The following TAOK1 variants were observed in gnomAD, a reference collection of about 807,000 sequenced individuals.
The protein encoded by TAOK1 is TAO kinase 1.
A neutral mutation model predicts 138.3 loss-of-function variants in TAOK1; 21 were observed. The ratio of observed to expected loss-of-function variants is 0.15; its 90% CI spans 0.11 to 0.22. TAOK1 has a LOEUF of 0.22. TAOK1 is among the 10% of genes least tolerant of loss of function. The pLI is 1.00. For synonymous variants in TAOK1, 361 were observed against 398.4 expected (o/e 0.91, Z 1.12); for missense variants, 651 against 1,227.7 (o/e 0.53, Z 7.02).
intron 2 of TAOK1, among the ~76,000 whole-genome samples, chr17:29,464,822 CTTTTTTTTT>C (rs547368498): frequency 7.6e-6 from 1 of 132,092 alleles, no homozygotes; most frequent in African/African-American, 2.8e-5. Flanking sequence ...TAAGCTCTGT[CTTTTTTTTT>C]TTTTTTTTTT....
intron 13 of TAOK1, among the ~76,000 whole-genome samples, chr17:29,504,601 C>T (rs1408760929): frequency 2.0e-5 from 3 of 151,340 alleles, no homozygotes; most frequent in South Asian, 2.1e-4. Context: ...ACCCAGGAGG[C>T]GGAGGTTGGA....
intron 1 of TAOK1, among the ~76,000 whole-genome samples, chr17:29,392,353 T>G (rs1470485173): frequency 6.6e-6 from 1 of 152,236 alleles, no homozygotes; most frequent in African/African-American, 2.4e-5. Context: ...ATGGTAAGGT[T>G]ACAAACCTTT....
In TAOK1 at chr17:29,549,102, A is replaced by T. The variant is rs2032448649; in HGVS notation, c.*6080A>T. On this transcript the variant is annotated 3_prime_UTR_variant, in exon 20 of 20. Coordinates refer to ENST00000261716, the MANE Select transcript of TAOK1 (RefSeq NM_020791.4). The stretch of plus-strand genomic sequence containing the variant: ...GTGATAACATGGTTTGGAACTGTTT[A>T]TTGGGCTCTTTAACTGAATTTTCAA... The T allele has an allele frequency of 6.6e-6, 1 of 152,146 alleles. No homozygotes were observed. The allele number at this position is 152,146 out of a possible 1,614,324, so 9.4% of individuals were successfully genotyped here.
chr17:29,485,378 T>C (rs1475772645), intron 8 of TAOK1, among the ~76,000 whole-genome samples: 1 of 152,228 alleles, frequency 6.6e-6, no homozygotes, highest in Non-Finnish European at 1.5e-5. Flanking sequence ...GGCTTACATC[T>C]GTAATCCTAG....
intron 6 of TAOK1, among the ~76,000 whole-genome samples, chr17:29,479,315 A>C (rs919996949): frequency 6.6e-6 from 1 of 152,230 alleles, no homozygotes; most frequent in Non-Finnish European, 1.5e-5. Flanking sequence ...TTTTCTTATT[A>C]CATATATGAA....
At chr17:29,437,836 G>A (rs778227762) in intron 1 of TAOK1, among the ~76,000 whole-genome samples, 3 of 143,534 alleles carry the variant, frequency 2.1e-5, no homozygotes, top group Middle Eastern at 3.3e-3. Context: ...CAGGTTCAAC[G>A]ATTCTCTTGC....
rs1418117227 is a variant in TAOK1 at position 29,508,232 on chromosome 17, C to G, written c.1575+100C>G. On this transcript the variant is annotated intron_variant, in intron 14 of 19. Transcript: ENST00000261716. Reference sequence around the variant, plus strand: ...ATGTTAGCGTATCTGTTCCCGTGAACCAAGCAAATTGGGGAAAAGGAGAAG... The same window carrying G: ...ATGTTAGCGTATCTGTTCCCGTGAAGCAAGCAAATTGGGGAAAAGGAGAAG... The G allele has an allele frequency of 1.7e-5, 17 of 1,001,206 alleles. No homozygotes were observed. In the East Asian group the frequency reaches 3.9e-4, roughly 23 times the overall value. 62.0% of individuals were successfully genotyped at this position (1,001,206 alleles called of 1,614,324 possible). A position where few individuals can be genotyped will look rare whatever the true frequency, so the allele number is the denominator to read the frequency against.
At chr17:29,509,760 G>T (rs1189733839) in intron 14 of TAOK1, among the ~76,000 whole-genome samples, 1 of 151,754 alleles carries the variant, frequency 6.6e-6, no homozygotes, top group Non-Finnish European at 1.5e-5. Context: ...GCTGAGCAGG[G>T]TGGCATACGC....
rs1598526776 is a variant in TAOK1, at chr17:29,532,965, G to A, written c.2362-1153G>A. 2.2e-5 allele frequency among the ~76,000 whole-genome samples: 3 copies of A among 134,814 alleles called. No individual in the cohort carries two copies. In the South Asian group the frequency reaches 7.7e-4, roughly 35 times the overall value. 88.4% of individuals were successfully genotyped at this position (134,814 alleles called of 152,430 possible). On this transcript the variant is annotated intron_variant, in intron 18 of 19. Coordinates refer to ENST00000261716, the MANE Select transcript of TAOK1 (RefSeq NM_020791.4). ...GACCCCCCCACCTCCCTCCCGGACG[G>A]GGCGGGTGGCCGGGCAGGGGGCTGA...
chr17:29,402,155 A>G (rs1350362470), intron 1 of TAOK1, among the ~76,000 whole-genome samples: 2 of 152,154 alleles, frequency 1.3e-5, no homozygotes, highest in Non-Finnish European at 2.9e-5. Flanking sequence ...TTTGCCTAAA[A>G]GGTCCTGGGC....
Position 29,438,728 on chromosome 17 carries a change from A to G in TAOK1, c.-94-12727A>G, listed in dbSNP as rs534361433. Among the ~76,000 whole-genome samples the G allele has an allele frequency of 8.2e-4, 125 of 152,320 alleles. 3 individuals are homozygous for G. Among genetic ancestry groups the G allele is most frequent in the Admixed American group, 7.1e-3 (109 of 15,290 alleles). ...TAAAGCTATCAGATTCTAAAACATG[A>G]TTAGAAGTAACAGTTTGTTACTCTT... On this transcript the variant is annotated intron_variant, in intron 1 of 19. Coordinates refer to ENST00000261716, the MANE Select transcript of TAOK1 (RefSeq NM_020791.4).
Position 29,548,594 on chromosome 17 carries a change from T to C in TAOK1, c.*5572T>C, listed in dbSNP as rs766471364. 6.6e-6 allele frequency: 1 copy of C among 152,074 alleles called. No individual in the cohort carries two copies. The highest frequency in any genetic ancestry group is 1.5e-5 in the Non-Finnish European group (1 of 67,974). The allele number at this position is 152,074 out of a possible 1,614,324, so 9.4% of individuals were successfully genotyped here. A position where few individuals can be genotyped will look rare whatever the true frequency, so the allele number is the denominator to read the frequency against. Reference sequence around the variant, plus strand: ...AGAGAAGATGAGACTTTTGAATGAATGAAAAAGGGTATCTTGATACCCAGA... The same window carrying C: ...AGAGAAGATGAGACTTTTGAATGAACGAAAAAGGGTATCTTGATACCCAGA... On this transcript the variant is annotated 3_prime_UTR_variant, in exon 20 of 20. Coordinates refer to ENST00000261716, the MANE Select transcript of TAOK1 (RefSeq NM_020791.4).
In TAOK1 at chr17:29,545,226, C is replaced by T. The variant is rs2032383410; in HGVS notation, c.*2204C>T. On this transcript the variant is annotated 3_prime_UTR_variant, in exon 20 of 20. Coordinates refer to ENST00000261716, the MANE Select transcript of TAOK1 (RefSeq NM_020791.4). ...TTTAGTCGTCTCAGTATCTTTTTTGCATTCAGGTATTATAGCGTTTCCAAC... is the reference window on the plus strand; with the variant it reads ...TTTAGTCGTCTCAGTATCTTTTTTGTATTCAGGTATTATAGCGTTTCCAAC... 6.6e-6 allele frequency: 1 copy of T among 152,030 alleles called. No homozygotes were observed. The highest frequency in any genetic ancestry group is 1.5e-5 in the Non-Finnish European group (1 of 68,008). The allele number at this position is 152,030 out of a possible 1,614,324, so 9.4% of individuals were successfully genotyped here.
At chr17:29,480,896 TAAAA>T (rs2031048443) in intron 7 of TAOK1, among the ~76,000 whole-genome samples, 1 of 122,236 alleles carries the variant, frequency 8.2e-6, no homozygotes, top group African/African-American at 3.3e-5. Flanking sequence ...ATTAAAATTT[TAAAA>T]AAAGAATGTA....
intron 1 of TAOK1, among the ~76,000 whole-genome samples, chr17:29,403,451 C>T (rs1330670462): frequency 6.6e-6 from 1 of 152,134 alleles, no homozygotes; most frequent in Non-Finnish European, 1.5e-5. Context: ...CCAAAACCAT[C>T]CATATCCTTG....
intron 1 of TAOK1, among the ~76,000 whole-genome samples, chr17:29,448,631 C>T (rs922959727): frequency 2.6e-5 from 4 of 152,230 alleles, no homozygotes; most frequent in Admixed American, 2.6e-4. Context: ...CTCTGAATTT[C>T]TGGAAGTTGC....
chr17:29,496,302 G>T (rs1039806424), intron 11 of TAOK1, among the ~76,000 whole-genome samples: 4 of 151,908 alleles, frequency 2.6e-5, no homozygotes, highest in African/African-American at 9.7e-5. Context: ...ATTTTTAGTA[G>T]AGACGGGGTT....
intron 1 of TAOK1, among the ~76,000 whole-genome samples, chr17:29,405,268 G>A (rs560665252): frequency 2.2e-4 from 34 of 152,152 alleles, no homozygotes; most frequent in Admixed American, 5.9e-4. Context: ...GATTACAGGC[G>A]TGAGCCACCT....
At chr17:29,441,774 T>C (rs2029945540) in intron 1 of TAOK1, among the ~76,000 whole-genome samples, 1 of 151,904 alleles carries the variant, frequency 6.6e-6, no homozygotes, top group South Asian at 2.1e-4. Context: ...TGTGCGCGCC[T>C]GTAGTCCCAG....
Sources: allele counts gnomAD v4.1 joint callset (sites outside exome capture counted in the v4.1 genomes callset), GRCh38; gene constraint gnomAD v4.1.1; transcripts MANE v1.5; gene names NCBI Gene and HGNC (gene_info 2026-07-23, HGNC 2026-07-21).